STX8: variants seen among roughly 807,000 people sequenced by gnomAD.
The protein encoded by STX8 is syntaxin 8, also known as syntaxin-8.
Under a neutral mutation model 37.5 loss-of-function variants are expected in STX8, and 23 were observed. The ratio of observed to expected loss-of-function variants is 0.61; its 90% CI spans 0.44 to 0.87. The LOEUF is 0.87. Among genes scored for constraint, STX8 ranks in the 40% least tolerant of loss-of-function variants. The pLI is 0.00. For synonymous variants in STX8, 115 were observed against 99.1 expected, an observed-to-expected ratio of 1.16 and a Z score of -0.95; for missense variants, 313 against 284.7, an observed-to-expected ratio of 1.10 and a Z score of -0.71.
At chr17:9,288,104 G>T (rs1445854061) in intron 7 of STX8, among the ~76,000 whole-genome samples, 6 of 118,622 alleles carry the variant, frequency 5.1e-5, no homozygotes, top group Non-Finnish European at 6.8e-5. Context: ...ACAAGGGGGG[G>T]GGGGGGGAGA....
At chr17:9,468,899 C>T (rs1329850721) in intron 6 of STX8, among the ~76,000 whole-genome samples, 1 of 152,192 alleles carries the variant, frequency 6.6e-6, no homozygotes, top group Non-Finnish European at 1.5e-5. Flanking sequence ...CTCCCTCCCA[C>T]AAATGTTGAT....
chr17:9,310,143 A>AG (rs546885375), intron 7 of STX8, among the ~76,000 whole-genome samples: 215 of 144,936 alleles, frequency 1.5e-3, no homozygotes, highest in African/African-American at 6.2e-3. Flanking sequence ...TTCTGGCAAA[A>AG]GGGGGAAAAA....
chr17:9,380,551 G>T (rs930041799), intron 6 of STX8, among the ~76,000 whole-genome samples: 4 of 151,652 alleles, frequency 2.6e-5, no homozygotes, highest in Non-Finnish European at 4.4e-5. Flanking sequence ...ACTGTGCCTG[G>T]CCTGAATTTC....
At chr17:9,475,108 A>G (rs1216562525) in intron 6 of STX8, among the ~76,000 whole-genome samples, 1 of 152,228 alleles carries the variant, frequency 6.6e-6, no homozygotes, top group African/African-American at 2.4e-5. Context: ...TCCAAACAGT[A>G]GAGAAAGCAC....
intron 7 of STX8, among the ~76,000 whole-genome samples, chr17:9,265,670 A>G (rs1345430099): frequency 6.6e-6 from 1 of 152,240 alleles, no homozygotes; most frequent in African/African-American, 2.4e-5. Flanking sequence ...TGTGTCCTGC[A>G]TCTCTGTTGT....
intron 6 of STX8, among the ~76,000 whole-genome samples, chr17:9,392,659 C>T (rs994359256): frequency 6.6e-6 from 1 of 152,074 alleles, no homozygotes; most frequent in South Asian, 2.1e-4. Context: ...ATGGTGAACA[C>T]TCTTGAAATA....
intron 3 of STX8, chr17:9,556,859 T>C (rs1159508469): frequency 1.3e-5 from 2 of 148,394 alleles, no homozygotes; most frequent in Non-Finnish European, 3.0e-5. Context: ...TGGCATAACT[T>C]GCTTCAAGAA....
At chr17:9,391,081 C>G (rs976906825) in intron 6 of STX8, among the ~76,000 whole-genome samples, 1 of 152,046 alleles carries the variant, frequency 6.6e-6, no homozygotes, top group African/African-American at 2.4e-5. Context: ...ACAACCTACA[C>G]AGAAGAATAT....
intron 6 of STX8, among the ~76,000 whole-genome samples, chr17:9,473,304 C>A (rs577644213): frequency 3.9e-5 from 6 of 152,126 alleles, no homozygotes; most frequent in Non-Finnish European, 8.8e-5. Context: ...CAGGCATGAG[C>A]CACCGTGCCC....
chr17:9,287,457 C>T (rs79439829), intron 7 of STX8, among the ~76,000 whole-genome samples: 11 of 152,202 alleles, frequency 7.2e-5, no homozygotes, highest in East Asian at 5.8e-4. Flanking sequence ...AGGGATATGA[C>T]GAGATGCTGG....
At chr17:9,521,577 T>C (rs1905339419) in intron 4 of STX8, among the ~76,000 whole-genome samples, 2 of 152,194 alleles carry the variant, frequency 1.3e-5, no homozygotes, top group South Asian at 4.1e-4. Context: ...CTTTTCTGTA[T>C]CCCATCCACC....
Position 9,393,235 on chromosome 17 carries a change from CA to C in STX8, c.542-14583del, listed in dbSNP as rs573199125. ...TGCTGAAAGAAAAGAGCTATCAACACAAAATTCTATAACCAGCAAAACTATC... is the reference window on the plus strand; with the variant it reads ...TGCTGAAAGAAAAGAGCTATCAACACAAATTCTATAACCAGCAAAACTATC... On this transcript the variant is annotated intron_variant, in intron 6 of 7. Transcript: ENST00000306357. 3.9e-5 allele frequency among the ~76,000 whole-genome samples: 6 copies of C among 152,254 alleles called. 1 individual carries two copies. The South Asian group carries it at 1.2e-3, about 32-fold the overall frequency.
chr17:9,290,200 G>A lies in STX8; in HGVS notation c.644-39555C>T, dbSNP rs1472322355. On this transcript the variant is annotated intron_variant, in intron 7 of 7. Transcript: ENST00000306357. ...GTGTAGGGGAAGGAAGGTGAAACAG[G>A]TGACTCTTGCTTTCTGTTTTCTCTT... 3.3e-5 allele frequency among the ~76,000 whole-genome samples: 5 copies of A among 152,280 alleles called. No individual in the cohort carries two copies. The East Asian group carries it at 9.6e-4, about 29-fold the overall frequency.
intron 6 of STX8, among the ~76,000 whole-genome samples, chr17:9,461,578 A>C (rs997911410): frequency 9.2e-5 from 14 of 152,116 alleles, no homozygotes; most frequent in African/African-American, 2.9e-4. Flanking sequence ...AGAAAGTGTG[A>C]ATTTGCACAG....
chr17:9,447,906 C>A (rs978119941), intron 6 of STX8, among the ~76,000 whole-genome samples: 1 of 151,768 alleles, frequency 6.6e-6, no homozygotes, highest in Admixed American at 6.6e-5. Context: ...TGGCCAGGTG[C>A]GGTGGCTTAA....
At chr17:9,318,445 C>T (rs1426470464) in intron 7 of STX8, among the ~76,000 whole-genome samples, 1 of 152,136 alleles carries the variant, frequency 6.6e-6, no homozygotes, top group South Asian at 2.1e-4. Context: ...TGACAGAATC[C>T]AATGGAGAAG....
intron 6 of STX8, among the ~76,000 whole-genome samples, chr17:9,420,940 G>A (rs1187686179): frequency 2.0e-5 from 3 of 152,158 alleles, no homozygotes; most frequent in Non-Finnish European, 4.4e-5. Flanking sequence ...ATGGAGATGA[G>A]TCCCATTGTT....
intron 7 of STX8, among the ~76,000 whole-genome samples, chr17:9,373,934 T>A (rs1331965725): frequency 1.5e-5 from 2 of 132,640 alleles, no homozygotes; most frequent in Non-Finnish European, 1.5e-5. Flanking sequence ...AGCAGAACTC[T>A]ATCTAAAAAA....
chr17:9,451,687 AC>A (rs998900318), intron 6 of STX8, among the ~76,000 whole-genome samples: 1 of 152,140 alleles, frequency 6.6e-6, no homozygotes, highest in African/African-American at 2.4e-5. Context: ...ATAGAAAAAT[AC>A]CCAAGTTGCT....
Sources: gnomAD v4.1 joint callset for allele counts (sites outside exome capture counted in the v4.1 genomes callset) on GRCh38, gnomAD v4.1.1 for gene constraint, MANE v1.5 for transcripts, NCBI Gene and HGNC (gene_info 2026-07-23, HGNC 2026-07-21) for gene names.